The following CDYL variants were observed in gnomAD, a reference collection of about 807,000 sequenced individuals.
The protein encoded by CDYL is chromodomain Y like.
CDYL carries 8 observed loss-of-function variants against 47.3 expected under a neutral mutation model. That is an observed-to-expected ratio of 0.17 (90% CI 0.10 to 0.31). The LOEUF is 0.31. Ranked by LOEUF, CDYL falls within the 10% of genes least tolerant of loss-of-function variation. The pLI is 1.00. For missense variants in CDYL, 471 were observed against 701.4 expected, an observed-to-expected ratio of 0.67 and a Z score of 3.71; for synonymous variants, 266 against 265.0, an observed-to-expected ratio of 1.00 and a Z score of -0.04.
chr6:4,781,199 G>A (rs1269616598), intron 1 of CDYL, among the ~76,000 whole-genome samples: 1 of 152,160 alleles, frequency 6.6e-6, no homozygotes, highest in Non-Finnish European at 1.5e-5. Flanking sequence ...GGATTTGCAG[G>A]GGAAGGTAGG....
intron 2 of CDYL, among the ~76,000 whole-genome samples, chr6:4,910,207 G>A (rs1321929423): frequency 1.3e-5 from 2 of 152,138 alleles, no homozygotes; most frequent in African/African-American, 4.8e-5. Context: ...GCTGCGGGAA[G>A]TTAGGCAGCA....
intron 1 of CDYL, among the ~76,000 whole-genome samples, chr6:4,710,355 GGGAGGGAA>G (rs1356784164): frequency 9.0e-6 from 1 of 111,274 alleles, no homozygotes; most frequent in African/African-American, 3.2e-5. Flanking sequence ...GAGAAAGGGA[GGGAGGGAA>G]GGAGGGAGGG....
chr6:4,953,283 C>T (rs1470434710), intron 6 of CDYL, among the ~76,000 whole-genome samples: 2 of 151,646 alleles, frequency 1.3e-5, no homozygotes, highest in African/African-American at 4.8e-5. Flanking sequence ...ACTCGAGAGG[C>T]TGAGGTGAGA....
intron 3 of CDYL, among the ~76,000 whole-genome samples, chr6:4,767,571 G>T (rs1758274912): frequency 6.6e-6 from 1 of 151,320 alleles, no homozygotes; most frequent in East Asian, 2.0e-4. Context: ...AGACACCCTC[G>T]AGAGGAGAGG....
chr6:4,895,039 ATC>A (rs1376265793), intron 2 of CDYL, among the ~76,000 whole-genome samples: 1 of 150,204 alleles, frequency 6.7e-6, no homozygotes, highest in Non-Finnish European at 1.5e-5. Flanking sequence ...GTATATATGT[ATC>A]TATATACACA....
At chr6:4,708,951 G>A (rs1757096636) in intron 1 of CDYL, among the ~76,000 whole-genome samples, 1 of 152,074 alleles carries the variant, frequency 6.6e-6, no homozygotes, top group Non-Finnish European at 1.5e-5. Context: ...AGGTTGCAGT[G>A]AGCCAAGATC....
intron 5 of CDYL, 31 bp downstream of exon 5, chr6:4,943,787 AGTC>A: frequency 2.1e-5 from 29 of 1,409,732 alleles, no homozygotes; most frequent in African/African-American, 2.9e-5. Context: ...AAAAAAAAAA[AGTC>A]ATTCTAGAAA....
intron 1 of CDYL, among the ~76,000 whole-genome samples, chr6:4,706,690 G>A (rs1316951514): frequency 1.3e-5 from 2 of 152,156 alleles, no homozygotes; most frequent in African/African-American, 4.8e-5. Context: ...TCTGGAGGCT[G>A]AGGAATAAGA....
chr6:4,937,977 A>G (rs1316454645), intron 4 of CDYL, among the ~76,000 whole-genome samples: 1 of 152,250 alleles, frequency 6.6e-6, no homozygotes, highest in Admixed American at 6.5e-5. Context: ...TGCCTTGGGC[A>G]GATAACTGAT....
intron 1 of CDYL, among the ~76,000 whole-genome samples, chr6:4,861,447 A>G (rs1229995289): frequency 6.6e-6 from 1 of 152,098 alleles, no homozygotes; most frequent in African/African-American, 2.4e-5. Flanking sequence ...GCCATGTTTG[A>G]GCTCCACTTC....
chr6:4,943,501 A>G (rs558235391), intron 4 of CDYL, 45 bp from the exon 5 acceptor site: 44 of 1,344,604 alleles, frequency 3.3e-5, no homozygotes, highest in Admixed American at 1.8e-4. Context: ...CCTTTGCTCA[A>G]ATATGCAATG....
At chr6:4,895,315 A>G (rs1484411347) in intron 2 of CDYL, among the ~76,000 whole-genome samples, 1 of 135,570 alleles carries the variant, frequency 7.4e-6, no homozygotes, top group African/African-American at 3.0e-5. Flanking sequence ...ATGTGCATAT[A>G]TGCATGTATG....
intron 2 of CDYL, among the ~76,000 whole-genome samples, chr6:4,897,134 G>A (rs1762307673): frequency 6.6e-6 from 1 of 152,196 alleles, no homozygotes; most frequent in South Asian, 2.1e-4. Flanking sequence ...TACAAAAGAA[G>A]TAATTGCTTT....
intron 5 of CDYL, among the ~76,000 whole-genome samples, chr6:4,945,472 C>T (rs1758484621): frequency 6.6e-6 from 1 of 152,178 alleles, no homozygotes; most frequent in Admixed American, 6.5e-5. Flanking sequence ...CCATAGCTCC[C>T]ACCTCTGCTG....
At chr6:4,863,296 C>G (rs2127469487) in intron 1 of CDYL, among the ~76,000 whole-genome samples, 1 of 152,292 alleles carries the variant, frequency 6.6e-6, no homozygotes, top group East Asian at 1.9e-4. Context: ...GCCCAAACCC[C>G]AGCTTTATAT....
chr6:4,835,441 CAGA>C (rs1370629515), intron 1 of CDYL, among the ~76,000 whole-genome samples: 1 of 152,200 alleles, frequency 6.6e-6, no homozygotes, highest in Non-Finnish European at 1.5e-5. Flanking sequence ...AGTTTTGTCT[CAGA>C]GGAGTACCCG....
chr6:4,791,346 A>C (rs1322298554), intron 1 of CDYL, among the ~76,000 whole-genome samples: 1 of 152,184 alleles, frequency 6.6e-6, no homozygotes, highest in East Asian at 1.9e-4. Flanking sequence ...GTGAGAAACC[A>C]CTTTTGATTT....
intron 2 of CDYL, among the ~76,000 whole-genome samples, chr6:4,912,583 G>A (rs1382385952): frequency 6.6e-6 from 1 of 152,244 alleles, no homozygotes; most frequent in Non-Finnish European, 1.5e-5. Flanking sequence ...ATTGACATTT[G>A]ACATTTGATT....
At chr6:4,929,517 CACACACACAT>C (rs1168585747) in intron 2 of CDYL, among the ~76,000 whole-genome samples, 86 of 151,842 alleles carry the variant, frequency 5.7e-4, no homozygotes, top group African/African-American at 2.0e-3. Context: ...CACACACACA[CACACACACAT>C]ACATACACAC....
Sources: gnomAD v4.1 joint callset for allele counts (sites outside exome capture counted in the v4.1 genomes callset) on GRCh38, gnomAD v4.1.1 for gene constraint, MANE v1.5 for transcripts, NCBI Gene and HGNC (gene_info 2026-07-23, HGNC 2026-07-21) for gene names.